Variants in ARMC1 observed in about 807,000 individuals in gnomAD.
ARMC1 encodes armadillo repeat-containing protein 1.
In ARMC1, 16 loss-of-function variants were observed where a neutral mutation model predicts 31.4. The ratio of observed to expected loss-of-function variants is 0.51; its 90% CI spans 0.34 to 0.77. ARMC1 has a LOEUF of 0.77. Among genes scored for constraint, ARMC1 ranks in the 30% least tolerant of loss-of-function variants. The pLI is 0.01. For missense variants in ARMC1, 259 were observed against 347.5 expected, an observed-to-expected ratio of 0.75 and a Z score of 2.02; for synonymous variants, 114 against 118.9, an observed-to-expected ratio of 0.96 and a Z score of 0.27.
intron 3 of ARMC1, among the ~76,000 whole-genome samples, chr8:65,616,866 T>C (rs2137700): frequency 0.63 from 91,626 of 146,224 alleles, 28,005 homozygotes; most frequent in South Asian, 0.67. Context: ...GCAGCCGCCC[T>C]GTCTGAGAAG....
intron 2 of ARMC1, 86 bp from the exon 3 acceptor site, chr8:65,622,440 A>G: frequency 9.6e-7 from 1 of 1,039,602 alleles, no homozygotes; most frequent in Non-Finnish European, 1.4e-6. Flanking sequence ...AGAAAACAAA[A>G]AAGGAGAAAA....
intron 3 of ARMC1, among the ~76,000 whole-genome samples, chr8:65,619,178 A>T (rs1311942042): frequency 6.6e-6 from 1 of 152,230 alleles, no homozygotes; most frequent in African/African-American, 2.4e-5. Flanking sequence ...CTGTTAGGAA[A>T]ATAGTCCATG....
chr8:65,632,220 CTT>C (rs1357689547), intron 1 of ARMC1, among the ~76,000 whole-genome samples: 1 of 152,160 alleles, frequency 6.6e-6, no homozygotes, highest in Non-Finnish European at 1.5e-5. Flanking sequence ...GGGTGGATCT[CTT>C]GAGCCTAGAA....
At chr8:65,631,580 G>A (rs990266022) in intron 1 of ARMC1, among the ~76,000 whole-genome samples, 5 of 152,156 alleles carry the variant, frequency 3.3e-5, no homozygotes, top group South Asian at 2.1e-4. Context: ...GGATTGCAGC[G>A]TTCACAAAGC....
In ARMC1 at chr8:65,605,293, C is replaced by T. The variant is rs772237926; in HGVS notation, c.627G>A (p.Gln209=). The change falls in exon 6 of 7, where the codon CAG becomes CAA. Residue 209 remains glutamine (Q), a synonymous_variant. Transcript: ENST00000276569. ...CTCCACTTTCACTTTTCACAACTTG[C>T]TGAGCTTTCATAACCTTGGTTGATG... ...AIASTKVMKA[Q]QVVKSESGEE... 1.6e-5 allele frequency: 26 copies of T among 1,613,520 alleles called. No homozygotes were observed. The highest frequency in any genetic ancestry group is 4.0e-5 in the African/African-American group (3 of 74,908).
At chr8:65,628,230 G>T (rs1364038422) in intron 1 of ARMC1, among the ~76,000 whole-genome samples, 2 of 151,626 alleles carry the variant, frequency 1.3e-5, no homozygotes, top group Non-Finnish European at 2.9e-5. Flanking sequence ...TTTCCACTTT[G>T]CATACTTTGT....
chr8:65,603,231 G>T lies in ARMC1; in HGVS notation c.*1163C>A, dbSNP rs557478043. 3.9e-5 allele frequency: 6 copies of T among 152,240 alleles called. No individual in the cohort carries two copies. In the South Asian group the frequency reaches 1.2e-3, roughly 32 times the overall value. The allele number at this position is 152,240 out of a possible 1,614,324, so 9.4% of individuals were successfully genotyped here. ...ATCTACCAAAAAAACATATGTGTATGTATTTATTTATCTTACCTTCACTGA... is the reference window on the plus strand; with the variant it reads ...ATCTACCAAAAAAACATATGTGTATTTATTTATTTATCTTACCTTCACTGA... On this transcript the variant is annotated 3_prime_UTR_variant, in exon 7 of 7. Transcript: ENST00000276569.
intron 4 of ARMC1, among the ~76,000 whole-genome samples, chr8:65,611,202 G>A (rs757810343): frequency 1.3e-5 from 2 of 152,180 alleles, no homozygotes; most frequent in African/African-American, 4.8e-5. Context: ...CCAAAGTGCT[G>A]GCATTACCGG....
intron 1 of ARMC1, among the ~76,000 whole-genome samples, chr8:65,629,793 C>T (rs528908944): frequency 1.4e-4 from 11 of 76,286 alleles, no homozygotes; most frequent in South Asian, 5.0e-4. Context: ...AGCAAGACTC[C>T]GTCTCAAAAA....
intron 2 of ARMC1, among the ~76,000 whole-genome samples, chr8:65,626,176 C>CCACCA (rs1808508017): frequency 6.6e-6 from 1 of 152,048 alleles, no homozygotes; most frequent in Non-Finnish European, 1.5e-5. Context: ...CAGGAGTGAG[C>CCACCA]CACCACGTCT....
At chr8:65,621,656 G>A (rs919518604) in intron 3 of ARMC1, among the ~76,000 whole-genome samples, 3 of 151,824 alleles carry the variant, frequency 2.0e-5, no homozygotes, top group African/African-American at 4.8e-5. Flanking sequence ...TTACAGGCAC[G>A]TGCCACCACA....
At chr8:65,627,120 T>TTTCCG in intron 2 of ARMC1, 96 bp downstream of exon 2, 1 of 1,186,564 alleles carries the variant, frequency 8.4e-7, no homozygotes, top group South Asian at 1.6e-5. Context: ...AATTGCTCTC[T>TTTCCG]TTCCGTTTTT....
At chr8:65,617,584 C>G (rs1808299091) in intron 3 of ARMC1, among the ~76,000 whole-genome samples, 1 of 151,890 alleles carries the variant, frequency 6.6e-6, no homozygotes. Context: ...CTGCCAAATC[C>G]CCCTCTGCGA....
At chr8:65,627,468 G>A (rs1000222022) in intron 1 of ARMC1, 35 bp from the exon 2 acceptor site, 1 of 1,302,732 alleles carries the variant, frequency 7.7e-7, no homozygotes, top group East Asian at 2.5e-5. Flanking sequence ...GTTCTAGGCT[G>A]CTGAGGTATA....
Position 65,613,448 on chromosome 8 carries a change from CATAT to C in ARMC1, c.276-19_276-16del. 10 of 1,538,676 alleles carry C rather than the reference CATAT, an allele frequency of 6.5e-6. No individual in the cohort carries two copies. Among genetic ancestry groups the C allele is most frequent in the African/African-American group, 1.4e-5 (1 of 71,986 alleles). ...GAGTTGTAGTTCTTGAAAAGAAACACATATATAATTAGTCTTGTCACTTCTACTG... is the reference window on the plus strand; with the variant it reads ...GAGTTGTAGTTCTTGAAAAGAAACACATAATTAGTCTTGTCACTTCTACTG... On this transcript the variant is annotated splice_polypyrimidine_tract_variant and intron_variant, in intron 3 of 6. Coordinates refer to ENST00000276569, the MANE Select transcript of ARMC1 (RefSeq NM_018120.6).
At chr8:65,613,720 C>T (rs567159796) in intron 3 of ARMC1, among the ~76,000 whole-genome samples, 2 of 152,274 alleles carry the variant, frequency 1.3e-5, no homozygotes, top group East Asian at 3.9e-4. Flanking sequence ...AAACCCAGCA[C>T]TTTGGGAGGC....
intron 1 of ARMC1, among the ~76,000 whole-genome samples, chr8:65,630,202 T>C (rs72664801): frequency 0.048 from 7,067 of 148,472 alleles, 218 homozygotes; most frequent in Non-Finnish European, 0.07. Flanking sequence ...CCACAAAAAA[T>C]AAGTATAAGG....
chr8:65,627,956 C>T (rs1033690455), intron 1 of ARMC1, among the ~76,000 whole-genome samples: 5 of 152,192 alleles, frequency 3.3e-5, no homozygotes, highest in African/African-American at 1.2e-4. Flanking sequence ...AGGTATTTAG[C>T]CTGTGGCTCA....
chr8:65,629,184 G>A (rs903678556), intron 1 of ARMC1, among the ~76,000 whole-genome samples: 1 of 151,308 alleles, frequency 6.6e-6, no homozygotes, highest in Non-Finnish European at 1.5e-5. Context: ...GAAAGAAAAT[G>A]TGATATACAT....
Sources: allele counts gnomAD v4.1 joint callset (sites outside exome capture counted in the v4.1 genomes callset), GRCh38; gene constraint gnomAD v4.1.1; transcripts MANE v1.5; gene names NCBI Gene and HGNC (gene_info 2026-07-23, HGNC 2026-07-21).